The following TMPRSS15 variants were observed in gnomAD, a reference collection of about 807,000 sequenced individuals.
TMPRSS15 encodes transmembrane serine protease 15, also known as enteropeptidase.
A neutral mutation model predicts 125.3 loss-of-function variants in TMPRSS15; 128 were observed. The observed-to-expected ratio is 1.02, with a 90% CI of 0.89 to 1.18. The LOEUF (loss-of-function observed/expected upper bound fraction) is 1.18. Among genes scored for constraint, TMPRSS15 ranks in the 50% most tolerant of loss-of-function variants. TMPRSS15 has a pLI of 0.00. For missense variants in TMPRSS15, 1,283 were observed against 1,212.7 expected (o/e 1.06, Z -0.86); for synonymous variants, 446 against 423.2 (o/e 1.05, Z -0.66).
intron 1 of TMPRSS15, among the ~76,000 whole-genome samples, chr21:18,457,811 T>C (rs1978471485): frequency 6.6e-6 from 1 of 152,152 alleles, no homozygotes. Context: ...GCCGAATCCT[T>C]ATCAATAGAT....
chr21:18,338,133 CA>C (rs2075411033), intron 13 of TMPRSS15, among the ~76,000 whole-genome samples: 1 of 152,032 alleles, frequency 6.6e-6, no homozygotes, highest in Non-Finnish European at 1.5e-5. Context: ...CATATAGATA[CA>C]TTTTTAACTT....
chr21:18,380,893 A>G (rs1449670254), intron 4 of TMPRSS15, among the ~76,000 whole-genome samples: 1 of 152,184 alleles, frequency 6.6e-6, no homozygotes, highest in Non-Finnish European at 1.5e-5. Flanking sequence ...GCCAACTAAT[A>G]TAACATGATA....
intron 6 of TMPRSS15, among the ~76,000 whole-genome samples, chr21:18,371,607 C>G (rs979439292): frequency 1.3e-5 from 2 of 152,018 alleles, no homozygotes; most frequent in African/African-American, 2.4e-5. Context: ...CCAAAATATA[C>G]AAATGAAACA....
At chr21:18,292,447 T>G (rs933075506) in intron 21 of TMPRSS15, among the ~76,000 whole-genome samples, 6 of 152,236 alleles carry the variant, frequency 3.9e-5, no homozygotes, top group Admixed American at 1.3e-4. Context: ...CAATTGGACA[T>G]GTGTTTATAC....
intron 1 of TMPRSS15, among the ~76,000 whole-genome samples, chr21:18,415,661 C>G (rs1360621049): frequency 1.3e-5 from 2 of 151,970 alleles, no homozygotes; most frequent in African/African-American, 4.8e-5. Flanking sequence ...ATGGGTTGAC[C>G]ATATATGTAT....
chr21:18,309,154 G>A (rs1341365419), intron 18 of TMPRSS15, among the ~76,000 whole-genome samples: 1 of 152,268 alleles, frequency 6.6e-6, no homozygotes, highest in South Asian at 2.1e-4. Context: ...CTAGATCCTT[G>A]AGGAATTGCC....
At chr21:18,367,870 T>C (rs1569037099) in intron 6 of TMPRSS15, among the ~76,000 whole-genome samples, 1 of 152,158 alleles carries the variant, frequency 6.6e-6, no homozygotes, top group Non-Finnish European at 1.5e-5. Flanking sequence ...GGCAGCCTTA[T>C]TCTAGAGCAT....
In TMPRSS15 at chr21:18,365,253, A is replaced by G. The variant is rs746587487; in HGVS notation, c.665-5T>C. Reference sequence around the variant, plus strand: ...ATCTTCCATCACAAACTGTGGCTGCAAAACGATGCCAATTAATGTTAGACA... The same window carrying G: ...ATCTTCCATCACAAACTGTGGCTGCGAAACGATGCCAATTAATGTTAGACA... On this transcript the variant is annotated splice_polypyrimidine_tract_variant and splice_region_variant and intron_variant, in intron 6 of 24. Transcript: ENST00000284885. The G allele has an allele frequency of 6.2e-7, 1 of 1,608,960 alleles. No homozygotes were observed. Among genetic ancestry groups the G allele is most frequent in the Admixed American group, 1.7e-5 (1 of 60,028 alleles).
Position 18,338,999 on chromosome 21 carries a change from A to AT in TMPRSS15, c.1564+2413dup, listed in dbSNP as rs902049102. Among the ~76,000 whole-genome samples the AT allele has an allele frequency of 9.0e-4, 130 of 144,956 alleles. 1 individual carries two copies. Among genetic ancestry groups the AT allele is most frequent in the South Asian group, 3.1e-3 (14 of 4,544 alleles). ...TTCCTTAAAGCCTTCTTCTGCTCAC[A>AT]TTTTTTTTTTCTCCAAAGTCCTCTA... On this transcript the variant is annotated intron_variant, in intron 13 of 24. Coordinates refer to ENST00000284885, the MANE Select transcript of TMPRSS15 (RefSeq NM_002772.3).
chr21:18,423,553 C>T lies in TMPRSS15; in HGVS notation c.11-25224G>A, dbSNP rs535226975. On this transcript the variant is annotated intron_variant, in intron 1 of 7. Transcript: ENST00000422787. ...CCTCCTGAGTAGCTGGGACTACAGG[C>T]GCCCGCCACCACACCCGGCTAATTT... Among the ~76,000 whole-genome samples, 15 of 151,328 alleles carry T rather than the reference C, an allele frequency of 9.9e-5. No homozygotes were observed. In the East Asian group the frequency reaches 2.5e-3, roughly 26 times the overall value.
At chr21:18,444,023 T>C (rs998454949) in intron 1 of TMPRSS15, among the ~76,000 whole-genome samples, 1 of 152,086 alleles carries the variant, frequency 6.6e-6, no homozygotes. Flanking sequence ...AGGCACAGCC[T>C]CCTCTTATTG....
In TMPRSS15 at chr21:18,397,809, G is replaced by T; in HGVS notation, c.344+70C>A. On this transcript the variant is annotated intron_variant, in intron 3 of 24. Transcript: ENST00000284885. Reference sequence around the variant, plus strand: ...TTCCTCTTTTCCTATATATAGTGATGCTATTTTACAAATATTAGCAAAAAA... The same window carrying T: ...TTCCTCTTTTCCTATATATAGTGATTCTATTTTACAAATATTAGCAAAAAA... The T allele has an allele frequency of 4.7e-6, 4 of 855,368 alleles. 1 individual carries two copies. The South Asian group carries it at 6.6e-5, about 14-fold the overall frequency. 53.0% of individuals were successfully genotyped at this position (855,368 alleles called of 1,614,324 possible).
rs549048190 is a variant in TMPRSS15, at chr21:18,269,120, G to A, written c.*849C>T. 70 of 152,240 alleles carry A rather than the reference G, an allele frequency of 4.6e-4. No individual in the cohort carries two copies. The highest frequency in any genetic ancestry group is 1.3e-3 in the African/African-American group (54 of 41,550). 9.4% of individuals were successfully genotyped at this position (152,240 alleles called of 1,614,324 possible). A position where few individuals can be genotyped will look rare whatever the true frequency, so the allele number is the denominator to read the frequency against. ...TGATCCAAGGGATTAAACAAGTGAA[G>A]CAAATTCATTTATTACACATATTTG... On this transcript the variant is annotated 3_prime_UTR_variant, in exon 25 of 25. Transcript: ENST00000284885.
chr21:18,324,615 TA>T (rs1322016873), intron 16 of TMPRSS15, among the ~76,000 whole-genome samples: 3 of 152,194 alleles, frequency 2.0e-5, no homozygotes, highest in African/African-American at 7.2e-5. Flanking sequence ...TATAATAATT[TA>T]AAAAATTAGG....
chr21:18,404,013 C>G (rs559985129), upstream of TMPRSS15, among the ~76,000 whole-genome samples: 2 of 152,144 alleles, frequency 1.3e-5, no homozygotes, highest in African/African-American at 4.8e-5. Context: ...TAGGCACATG[C>G]ATCTGATATT....
chr21:18,314,209 G>A (rs2075133375), intron 17 of TMPRSS15, among the ~76,000 whole-genome samples: 1 of 152,118 alleles, frequency 6.6e-6, no homozygotes, highest in Non-Finnish European at 1.5e-5. Flanking sequence ...GGCCCTTACT[G>A]GGTGTGCAAC....
chr21:18,380,270 CAT>C (rs1386035142), intron 4 of TMPRSS15, among the ~76,000 whole-genome samples: 2 of 151,650 alleles, frequency 1.3e-5, no homozygotes, highest in African/African-American at 4.8e-5. Context: ...CACACACACT[CAT>C]ATATCTCTCA....
chr21:18,472,420 T>C (rs967324088), intron 1 of TMPRSS15, among the ~76,000 whole-genome samples: 1 of 150,062 alleles, frequency 6.7e-6, no homozygotes, highest in African/African-American at 2.5e-5. Flanking sequence ...AAATACAGGA[T>C]ACATAGTAAG....
At chr21:18,272,946 C>A (rs1184379483) in intron 24 of TMPRSS15, among the ~76,000 whole-genome samples, 17 of 152,104 alleles carry the variant, frequency 1.1e-4, no homozygotes, top group Non-Finnish European at 2.5e-4. Context: ...CTTTAGTGTG[C>A]ATCAGAATCT....
Sources: gnomAD v4.1 joint callset for allele counts (sites outside exome capture counted in the v4.1 genomes callset) on GRCh38, gnomAD v4.1.1 for gene constraint, MANE v1.5 for transcripts, NCBI Gene and HGNC (gene_info 2026-07-23, HGNC 2026-07-21) for gene names.